MID1: variants seen among roughly 807,000 people sequenced by gnomAD.
MID1 encodes E3 ubiquitin-protein ligase Midline-1.
MID1 carries 7 observed loss-of-function variants against 40.4 expected under a neutral mutation model. The ratio of observed to expected loss-of-function variants is 0.17; its 90% CI spans 0.10 to 0.33. The LOEUF (loss-of-function observed/expected upper bound fraction) is 0.33. Among genes scored for constraint, MID1 ranks in the 10% least tolerant of loss-of-function variants. The pLI, the probability that MID1 is intolerant of heterozygous loss-of-function variation, is 1.00. For missense variants in MID1, 367 were observed against 558.5 expected (o/e 0.66, Z 3.46); for synonymous variants, 229 against 221.2 (o/e 1.04, Z -0.31).
At chrX:10,613,028 T>C (rs1206625484) in intron 1 of MID1, among the ~76,000 whole-genome samples, 5 of 112,095 alleles carry the variant, frequency 4.5e-5, no homozygotes, top group Non-Finnish European at 9.4e-5. Flanking sequence ...CTATTAATAA[T>C]ATTTGGTGGT....
chrX:10,519,828 A>G (rs935282998), intron 3 of MID1, among the ~76,000 whole-genome samples: 1 of 111,930 alleles, frequency 8.9e-6, no homozygotes, highest in African/African-American at 3.2e-5. Context: ...GAGTTGGAAA[A>G]AGTTGCTAAC....
intron 1 of MID1, among the ~76,000 whole-genome samples, chrX:10,653,120 G>A (rs1936334594): frequency 8.9e-6 from 1 of 112,092 alleles, no homozygotes; most frequent in Non-Finnish European, 1.9e-5. Context: ...GCTCAATAAA[G>A]ATTGGCTGAA....
chrX:10,825,572 C>A (rs964256650), intron 1 of MID1, among the ~76,000 whole-genome samples: 1 of 111,856 alleles, frequency 8.9e-6, no homozygotes, highest in East Asian at 2.8e-4. Context: ...TTTCTAAATC[C>A]TATAGTCCTC....
At chrX:10,513,104 C>A (rs898012820) in intron 3 of MID1, among the ~76,000 whole-genome samples, 3 of 112,188 alleles carry the variant, frequency 2.7e-5, no homozygotes, top group African/African-American at 9.7e-5. Context: ...TTTTTTCCTA[C>A]AACATTTAAT....
At chrX:10,512,637 C>T (rs1932214533) in intron 3 of MID1, among the ~76,000 whole-genome samples, 1 of 111,943 alleles carries the variant, frequency 8.9e-6, no homozygotes, top group Non-Finnish European at 1.9e-5. Flanking sequence ...TGCAATAATG[C>T]TCCCCTTCCA....
chrX:10,473,216 TATC>T (rs763976299), intron 6 of MID1, among the ~76,000 whole-genome samples: 119 of 111,655 alleles, frequency 1.1e-3, no homozygotes, highest in Non-Finnish European at 1.9e-3. Context: ...AGAACATATC[TATC>T]ATCATAGAAA....
At chrX:10,565,052 C>A in intron 2 of MID1, 1 of 248,210 alleles carries the variant, frequency 4.0e-6, no homozygotes, top group Non-Finnish European at 7.8e-6. Flanking sequence ...AAATTAATAG[C>A]CTTCGCAATT....
intron 1 of MID1, among the ~76,000 whole-genome samples, chrX:10,719,494 T>A (rs1213037944): frequency 9.0e-6 from 1 of 111,024 alleles, no homozygotes; most frequent in East Asian, 2.8e-4. Flanking sequence ...TTACAAGGGA[T>A]GTGAAGGACC....
At chrX:10,520,972 G>A (rs930989580) in intron 3 of MID1, among the ~76,000 whole-genome samples, 2 of 110,866 alleles carry the variant, frequency 1.8e-5, no homozygotes, top group Non-Finnish European at 3.8e-5. Context: ...TGGTTCACGG[G>A]TGCTGCAGGG....
chrX:10,633,701 G>A (rs1034019151), intron 1 of MID1, among the ~76,000 whole-genome samples: 2 of 111,409 alleles, frequency 1.8e-5, no homozygotes, highest in East Asian at 2.8e-4. Context: ...CAATCCTCCC[G>A]CCTTGGCCTC....
intron 1 of MID1, among the ~76,000 whole-genome samples, chrX:10,643,663 C>G (rs1177526950): frequency 1.8e-5 from 2 of 110,884 alleles, no homozygotes; most frequent in Non-Finnish European, 3.8e-5. Flanking sequence ...GGGTATATAC[C>G]CAAAGGACTA....
intron 1 of MID1, among the ~76,000 whole-genome samples, chrX:10,743,702 T>C (rs770854385): frequency 8.9e-6 from 1 of 112,397 alleles, no homozygotes; most frequent in Non-Finnish European, 1.9e-5. Flanking sequence ...TTTAAATGTT[T>C]AGGCTTAAAT....
chrX:10,573,555 C>T (rs893399879), intron 1 of MID1, among the ~76,000 whole-genome samples: 2 of 112,158 alleles, frequency 1.8e-5, no homozygotes, highest in African/African-American at 6.5e-5. Flanking sequence ...CCAATGCCAC[C>T]ACATTGGGGA....
chrX:10,828,188 G>C (rs1297379122), intron 1 of MID1, among the ~76,000 whole-genome samples: 1 of 112,018 alleles, frequency 8.9e-6, no homozygotes, highest in Non-Finnish European at 1.9e-5. Flanking sequence ...CTTTGATAAA[G>C]CTGCCCTGCT....
At chrX:10,522,952 C>T in intron 3 of MID1, 140 bp downstream of exon 3, 1 of 501,662 alleles carries the variant, frequency 2.0e-6, no homozygotes. Flanking sequence ...TAATTTCCTC[C>T]ATCTTTTATT....
chrX:10,797,861 T>C (rs2043977890), intron 1 of MID1, among the ~76,000 whole-genome samples: 2 of 111,729 alleles, frequency 1.8e-5, no homozygotes, highest in African/African-American at 6.5e-5. Flanking sequence ...ATCTCCCCAG[T>C]GCAGTCCAGT....
chrX:10,623,128 G>A (rs1279479518), upstream of MID1, among the ~76,000 whole-genome samples: 1 of 105,883 alleles, frequency 9.4e-6, no homozygotes, highest in African/African-American at 3.5e-5. Flanking sequence ...GTGTGTGCCT[G>A]TAGTCTCAGG....
intron 1 of MID1, among the ~76,000 whole-genome samples, chrX:10,737,780 G>A (rs2043497096): frequency 9.0e-6 from 1 of 110,672 alleles, no homozygotes; most frequent in Non-Finnish European, 1.9e-5. Flanking sequence ...GATGGGAGAA[G>A]AGGGATGCAA....
chrX:10,721,399 C>T (rs2043353546), intron 1 of MID1, among the ~76,000 whole-genome samples: 2 of 109,496 alleles, frequency 1.8e-5, no homozygotes, highest in African/African-American at 3.3e-5. Context: ...CCTTTGGATT[C>T]CAAAGGACCA....
Sources: allele counts gnomAD v4.1 joint callset (sites outside exome capture counted in the v4.1 genomes callset), GRCh38; gene constraint gnomAD v4.1.1; transcripts MANE v1.5; gene names NCBI Gene and HGNC (gene_info 2026-07-23, HGNC 2026-07-21).